Variants in DGKB observed in about 807,000 individuals in gnomAD.
DGKB encodes the protein diacylglycerol kinase beta, also known as 90 kDa diacylglycerol kinase.
A neutral mutation model predicts 114.3 loss-of-function variants in DGKB; 67 were observed. The observed-to-expected ratio is 0.59, with a 90% CI of 0.48 to 0.72. The LOEUF (loss-of-function observed/expected upper bound fraction) is 0.72, where lower values mean the gene tolerates loss of function less well. Among genes scored for constraint, DGKB ranks in the 30% least tolerant of loss-of-function variants. The probability of loss-of-function intolerance (pLI) is 0.00; values close to 1 mark genes in which losing one functional copy is unlikely to be tolerated. For synonymous variants in DGKB, 398 were observed against 323.1 expected (o/e 1.23, Z -2.49); for missense variants, 907 against 975.2 (o/e 0.93, Z 0.93).
At chr7:14,941,886 A>G (rs1223614453) in intron 1 of DGKB, among the ~76,000 whole-genome samples, 1 of 152,068 alleles carries the variant, frequency 6.6e-6, no homozygotes. Flanking sequence ...TTAAATCATT[A>G]CTTTTCAACT....
intron 21 of DGKB, among the ~76,000 whole-genome samples, chr7:14,420,005 G>A (rs1176353833): frequency 2.0e-5 from 3 of 152,012 alleles, no homozygotes; most frequent in Non-Finnish European, 4.4e-5. Flanking sequence ...TTATTGGACA[G>A]ATATGTGTGA....
At chr7:14,458,043 C>G (rs915739368) in intron 21 of DGKB, among the ~76,000 whole-genome samples, 5 of 152,054 alleles carry the variant, frequency 3.3e-5, no homozygotes, top group South Asian at 2.1e-4. Context: ...GATTCTTCAA[C>G]GTCTTTAAAT....
intron 1 of DGKB, among the ~76,000 whole-genome samples, chr7:14,881,425 T>C (rs1347692276): frequency 2.0e-5 from 3 of 152,192 alleles, no homozygotes; most frequent in Non-Finnish European, 4.4e-5. Flanking sequence ...ACAAGTCATT[T>C]GCTTTTGATT....
intron 13 of DGKB, among the ~76,000 whole-genome samples, chr7:14,670,757 G>A (rs1050713272): frequency 1.3e-5 from 2 of 151,984 alleles, no homozygotes; most frequent in Admixed American, 6.6e-5. Flanking sequence ...CTCTGTTTAT[G>A]TATTTTAGTA....
At chr7:14,729,123 CTTT>C (rs1162368398) in intron 5 of DGKB, among the ~76,000 whole-genome samples, 9 of 113,360 alleles carry the variant, frequency 7.9e-5, no homozygotes, top group Admixed American at 9.6e-5. Context: ...CATTTTCTTT[CTTT>C]TTTTTTTTTT....
chr7:14,279,124 G>A (rs1179420538), intron 23 of DGKB, among the ~76,000 whole-genome samples: 1 of 152,148 alleles, frequency 6.6e-6, no homozygotes, highest in Non-Finnish European at 1.5e-5. Flanking sequence ...GGTGATGGAC[G>A]GCACCTGGAA....
intron 1 of DGKB, among the ~76,000 whole-genome samples, chr7:14,860,793 G>A (rs1436861809): frequency 6.6e-6 from 1 of 151,598 alleles, no homozygotes; most frequent in East Asian, 1.9e-4. Context: ...TATTTTCAGG[G>A]GGTCTTTGAA....
intron 20 of DGKB, among the ~76,000 whole-genome samples, chr7:14,562,345 TG>T (rs1796786254): frequency 6.6e-6 from 1 of 152,168 alleles, no homozygotes; most frequent in Non-Finnish European, 1.5e-5. Context: ...AATGTGGGGT[TG>T]GAGCCCCTAC....
intron 17 of DGKB, among the ~76,000 whole-genome samples, chr7:14,599,149 T>C (rs1054377364): frequency 3.3e-5 from 5 of 152,290 alleles, no homozygotes; most frequent in African/African-American, 9.6e-5. Flanking sequence ...GATTTAGAAA[T>C]TGGAGGGCTG....
chr7:14,163,305 C>T (rs546401830), intron 25 of DGKB, among the ~76,000 whole-genome samples: 1 of 151,666 alleles, frequency 6.6e-6, no homozygotes, highest in African/African-American at 2.4e-5. Context: ...TGCTTGAGGG[C>T]CAGAAAGCAT....
intron 13 of DGKB, among the ~76,000 whole-genome samples, chr7:14,632,198 G>A (rs534087749): frequency 2.0e-5 from 3 of 151,924 alleles, no homozygotes; most frequent in African/African-American, 7.2e-5. Context: ...AGGCATTTTG[G>A]GGATAACTGT....
chr7:14,766,882 T>A (rs921706488), intron 2 of DGKB, among the ~76,000 whole-genome samples: 1 of 151,692 alleles, frequency 6.6e-6, no homozygotes, highest in African/African-American at 2.4e-5. Context: ...TCATGTAATA[T>A]CAAGTTAAAT....
At chr7:14,265,079 C>T (rs1797292542) in intron 23 of DGKB, among the ~76,000 whole-genome samples, 1 of 151,834 alleles carries the variant, frequency 6.6e-6, no homozygotes. Context: ...AGGTTTCTGT[C>T]CCCGCCCCAC....
intron 23 of DGKB, among the ~76,000 whole-genome samples, chr7:14,322,990 T>C (rs1179096734): frequency 6.6e-6 from 1 of 152,190 alleles, no homozygotes; most frequent in Non-Finnish European, 1.5e-5. Flanking sequence ...TCACTTTTAG[T>C]AGCGTCTACT....
chr7:14,873,090 A>G (rs953762281), intron 1 of DGKB, among the ~76,000 whole-genome samples: 4 of 152,110 alleles, frequency 2.6e-5, no homozygotes, highest in Non-Finnish European at 5.9e-5. Context: ...AATTCAAACT[A>G]CCCTAAAATA....
chr7:14,944,736 C>T (rs1447000940), intron 1 of DGKB, among the ~76,000 whole-genome samples: 1 of 151,578 alleles, frequency 6.6e-6, no homozygotes, highest in Non-Finnish European at 1.5e-5. Context: ...GCCATGCTAA[C>T]TAGCCTACAA....
intron 21 of DGKB, among the ~76,000 whole-genome samples, chr7:14,391,041 G>GA (rs1821226710): frequency 6.6e-6 from 1 of 152,058 alleles, no homozygotes; most frequent in African/African-American, 2.4e-5. Flanking sequence ...CTTTTATGGG[G>GA]AAAAATTAAA....
At chr7:14,960,283 G>A (rs1209147111) in intron 1 of DGKB, among the ~76,000 whole-genome samples, 4 of 151,928 alleles carry the variant, frequency 2.6e-5, no homozygotes, top group African/African-American at 7.3e-5. Flanking sequence ...ATATATAACA[G>A]CTTGGAAAAT....
intron 23 of DGKB, among the ~76,000 whole-genome samples, chr7:14,324,843 C>A (rs528334760): frequency 6.6e-6 from 1 of 151,684 alleles, no homozygotes; most frequent in Non-Finnish European, 1.5e-5. Context: ...AGACAATGGA[C>A]GCTTCTGCCT....
Sources: gnomAD v4.1 joint callset for allele counts (sites outside exome capture counted in the v4.1 genomes callset) on GRCh38, gnomAD v4.1.1 for gene constraint, MANE v1.5 for transcripts, NCBI Gene and HGNC (gene_info 2026-07-23, HGNC 2026-07-21) for gene names.